NT5DC3: variants seen among roughly 807,000 people sequenced by gnomAD.
NT5DC3 encodes the protein 5'-nucleotidase domain-containing protein 3.
NT5DC3 carries 42 observed loss-of-function variants against 67.8 expected under a neutral mutation model. The observed-to-expected ratio is 0.62, with a 90% CI of 0.48 to 0.80. The LOEUF (loss-of-function observed/expected upper bound fraction) is 0.80. NT5DC3 is among the 30% of genes least tolerant of loss of function. NT5DC3 has a pLI of 0.00. For missense variants in NT5DC3, 570 were observed against 696.4 expected (o/e 0.82, Z 2.04); for synonymous variants, 237 against 255.6 (o/e 0.93, Z 0.69).
At chr12:103,756,903 C>A in the NT5DC3 span, among the ~76,000 whole-genome samples, 1 of 150,986 alleles carries the variant, frequency 6.6e-6, no homozygotes, top group Non-Finnish European at 1.5e-5. Flanking sequence ...GCCTGGCTTA[C>A]AACAGCATTT....
At chr12:103,786,220 C>G (rs1022123660) in intron 11 of NT5DC3, among the ~76,000 whole-genome samples, 5 of 151,932 alleles carry the variant, frequency 3.3e-5, no homozygotes, top group Non-Finnish European at 5.9e-5. Context: ...AAAAATCAAG[C>G]AGAATAACAG....
At chr12:103,835,346 A>G (rs1888102523) in intron 1 of NT5DC3, among the ~76,000 whole-genome samples, 1 of 152,192 alleles carries the variant, frequency 6.6e-6, no homozygotes, top group Admixed American at 6.5e-5. Flanking sequence ...GGTAATAGGG[A>G]CCACATGCAT....
chr12:103,835,229 C>T lies in NT5DC3; in HGVS notation c.208+5720G>A, dbSNP rs113212062. On this transcript the variant is annotated intron_variant, in intron 1 of 13. Transcript: ENST00000392876. Reference sequence around the variant, plus strand: ...TAAATGCTTGTTGGATGAACTCAAGCTGGGCACATAAATTCACACAGACTT... The same window carrying T: ...TAAATGCTTGTTGGATGAACTCAAGTTGGGCACATAAATTCACACAGACTT... 2.0e-4 allele frequency among the ~76,000 whole-genome samples: 30 copies of T among 152,256 alleles called. 1 individual carries two copies. Among genetic ancestry groups the T allele is most frequent in the African/African-American group, 6.3e-4 (26 of 41,544 alleles).
chr12:103,800,438 CT>C (rs1193696824), intron 4 of NT5DC3, among the ~76,000 whole-genome samples: 1 of 152,260 alleles, frequency 6.6e-6, no homozygotes, highest in African/African-American at 2.4e-5. Flanking sequence ...TGCTAAGGCT[CT>C]AACACTGGAG....
chr12:103,839,739 G>A (rs943282726), intron 1 of NT5DC3, among the ~76,000 whole-genome samples: 1 of 152,090 alleles, frequency 6.6e-6, no homozygotes, highest in Non-Finnish European at 1.5e-5. Context: ...AAAAGCCAAA[G>A]CAAAATTAAC....
At chr12:103,816,967 C>CTTTTTTTTTTTTTTTT (rs376622215) in intron 1 of NT5DC3, among the ~76,000 whole-genome samples, 42 of 118,916 alleles carry the variant, frequency 3.5e-4, no homozygotes, top group East Asian at 7.1e-4. Flanking sequence ...TTTCTTTTTT[C>CTTTTTTTTTTTTTTTT]TTTTTTTTTT....
At chr12:103,809,777 T>G (rs1399598514) in intron 2 of NT5DC3, among the ~76,000 whole-genome samples, 3 of 152,058 alleles carry the variant, frequency 2.0e-5, no homozygotes, top group African/African-American at 7.2e-5. Context: ...GAGATTTGGG[T>G]GGGGACACAG....
intron 1 of NT5DC3, among the ~76,000 whole-genome samples, chr12:103,836,306 G>A (rs1251186107): frequency 6.6e-6 from 1 of 152,196 alleles, no homozygotes; most frequent in Admixed American, 6.5e-5. Context: ...TCTAAGACAA[G>A]ATAAGTCCCT....
chr12:103,759,359 A>T, the NT5DC3 span: 1 of 1,514,600 alleles, frequency 6.6e-7, no homozygotes, highest in Non-Finnish European at 8.9e-7. Flanking sequence ...ATAGATGGCA[A>T]CTATTATGCA....
chr12:103,776,269 A>C lies in NT5DC3; in HGVS notation c.*1560T>G, dbSNP rs1331906193. Reference sequence around the variant, plus strand: ...CATTGCCCCTAGAAAGAAATGAAAAAAGCAGGCCAGGTGCGGTGGCTCACA... The same window carrying C: ...CATTGCCCCTAGAAAGAAATGAAAACAGCAGGCCAGGTGCGGTGGCTCACA... On this transcript the variant is annotated 3_prime_UTR_variant, in exon 14 of 14. Transcript: ENST00000392876. The C allele has an allele frequency of 6.6e-6, 1 of 152,196 alleles. No individual in the cohort carries two copies. The highest frequency in any genetic ancestry group is 2.4e-5 in the African/African-American group (1 of 41,440). 9.4% of individuals were successfully genotyped at this position (152,196 alleles called of 1,614,324 possible). A position where few individuals can be genotyped will look rare whatever the true frequency, so the allele number is the denominator to read the frequency against.
At chr12:103,746,771 G>A in the NT5DC3 span, 1 of 1,507,514 alleles carries the variant, frequency 6.6e-7, no homozygotes, top group Non-Finnish European at 9.2e-7. Flanking sequence ...CTTGCTCACA[G>A]TGCCTGGGCT....
intron 1 of NT5DC3, among the ~76,000 whole-genome samples, chr12:103,815,687 A>G (rs970484534): frequency 6.6e-5 from 10 of 152,060 alleles, no homozygotes; most frequent in African/African-American, 2.2e-4. Context: ...CTCCCAAAGT[A>G]CTGGGATTAC....
chr12:103,839,225 T>C (rs1888277662), intron 1 of NT5DC3, among the ~76,000 whole-genome samples: 1 of 152,248 alleles, frequency 6.6e-6, no homozygotes, highest in African/African-American at 2.4e-5. Flanking sequence ...ATAAAGTGTA[T>C]GCCAGATCTC....
intron 1 of NT5DC3, among the ~76,000 whole-genome samples, chr12:103,835,543 C>A (rs1015014387): frequency 7.9e-5 from 12 of 152,164 alleles, no homozygotes; most frequent in African/African-American, 1.7e-4. Context: ...TATGGCACCG[C>A]CCTAATCACA....
At chr12:103,805,010 C>T (rs1455749086) in intron 4 of NT5DC3, among the ~76,000 whole-genome samples, 1 of 151,250 alleles carries the variant, frequency 6.6e-6, no homozygotes, top group Non-Finnish European at 1.5e-5. Context: ...GAGATCTCGC[C>T]ACTGCACTCC....
chr12:103,805,057 CA>C (rs35401787), intron 4 of NT5DC3, among the ~76,000 whole-genome samples: 392 of 120,792 alleles, frequency 3.2e-3, no homozygotes, highest in Middle Eastern at 4.2e-3. Context: ...ATCTCAATAA[CA>C]AAAAAAAAAA....
intron 1 of NT5DC3, among the ~76,000 whole-genome samples, chr12:103,832,857 T>G (rs10861117): frequency 0.18 from 27,770 of 152,066 alleles, 2,681 homozygotes; most frequent in Middle Eastern, 0.31. Context: ...ACACTAAGAT[T>G]CCCCTGGAAT....
intron 2 of NT5DC3, among the ~76,000 whole-genome samples, chr12:103,813,906 A>T (rs909088938): frequency 6.6e-6 from 1 of 152,332 alleles, no homozygotes; most frequent in African/African-American, 2.4e-5. Context: ...TGGGTTTAGA[A>T]GTTACTCATA....
At chr12:103,764,376 G>A in the NT5DC3 span, among the ~76,000 whole-genome samples, 5 of 152,174 alleles carry the variant, frequency 3.3e-5, no homozygotes, top group Admixed American at 3.3e-4. Context: ...TAGTATATAT[G>A]GGTGGGTGTT....
Sources: gnomAD v4.1 joint callset for allele counts (sites outside exome capture counted in the v4.1 genomes callset) on GRCh38, gnomAD v4.1.1 for gene constraint, MANE v1.5 for transcripts, NCBI Gene and HGNC (gene_info 2026-07-23, HGNC 2026-07-21) for gene names.